Variants in XKR4 observed in about 807,000 individuals in gnomAD.
The protein encoded by XKR4 is XK related 4, also known as XK-related protein 4.
XKR4 carries 12 observed loss-of-function variants against 53.9 expected under a neutral mutation model. The ratio of observed to expected loss-of-function variants is 0.22; its 90% confidence interval spans 0.14 to 0.36. The LOEUF is 0.36. XKR4 is among the 10% of genes least tolerant of loss of function. The pLI is 1.00. For missense variants in XKR4, 799 were observed against 859.5 expected (o/e 0.93, Z 0.88); for synonymous variants, 354 against 362.4 (o/e 0.98, Z 0.26).
At chr8:55,378,512 A>G (rs1337722769) in intron 2 of XKR4, among the ~76,000 whole-genome samples, 1 of 152,232 alleles carries the variant, frequency 6.6e-6, no homozygotes, top group African/African-American at 2.4e-5. Context: ...GAGAAAAACA[A>G]GAGTACGATT....
intron 1 of XKR4, among the ~76,000 whole-genome samples, chr8:55,341,788 G>C (rs951806890): frequency 7.2e-5 from 11 of 152,066 alleles, no homozygotes; most frequent in African/African-American, 2.7e-4. Context: ...ACCTCCCTGA[G>C]AGAAGCTGGA....
intron 1 of XKR4, among the ~76,000 whole-genome samples, chr8:55,252,366 A>G (rs1017823799): frequency 6.6e-6 from 1 of 152,196 alleles, no homozygotes; most frequent in Non-Finnish European, 1.5e-5. Context: ...CCTAAAATTG[A>G]AGGATCTCAA....
At chr8:55,494,823 G>A (rs931427660) in intron 2 of XKR4, among the ~76,000 whole-genome samples, 1 of 152,182 alleles carries the variant, frequency 6.6e-6, no homozygotes, top group African/African-American at 2.4e-5. Context: ...GCCATGGGTG[G>A]CCATGGGCAG....
chr8:55,397,958 C>A (rs1311398781), intron 2 of XKR4, among the ~76,000 whole-genome samples: 1 of 152,154 alleles, frequency 6.6e-6, no homozygotes, highest in African/African-American at 2.4e-5. Context: ...TTTGACATCC[C>A]CCATGTATGT....
intron 2 of XKR4, among the ~76,000 whole-genome samples, chr8:55,460,959 G>C (rs1419959179): frequency 6.6e-6 from 1 of 152,254 alleles, no homozygotes. Flanking sequence ...GCTCAGGCTT[G>C]AGTAGGTAAA....
At chr8:55,366,697 A>G (rs1803993726) in intron 2 of XKR4, among the ~76,000 whole-genome samples, 1 of 152,184 alleles carries the variant, frequency 6.6e-6, no homozygotes, top group Non-Finnish European at 1.5e-5. Flanking sequence ...TTTCTCACCC[A>G]TATGTCCTGC....
intron 1 of XKR4, among the ~76,000 whole-genome samples, chr8:55,265,570 G>T (rs567918829): frequency 6.6e-5 from 10 of 152,248 alleles, no homozygotes; most frequent in African/African-American, 2.4e-4. Flanking sequence ...AGAAAGGGAG[G>T]GGGCTGGGCA....
intron 2 of XKR4, among the ~76,000 whole-genome samples, chr8:55,433,763 T>C (rs1220247900): frequency 2.6e-5 from 4 of 152,374 alleles, no homozygotes; most frequent in African/African-American, 7.2e-5. Flanking sequence ...TCTAGTTCTT[T>C]GCCTATAATC....
chr8:55,111,574 A>G (rs1446887777), intron 1 of XKR4, among the ~76,000 whole-genome samples: 1 of 152,222 alleles, frequency 6.6e-6, no homozygotes, highest in Non-Finnish European at 1.5e-5. Context: ...ACCTTATGTC[A>G]TTTCCAAATT....
intron 1 of XKR4, among the ~76,000 whole-genome samples, chr8:55,235,725 C>T (rs946604472): frequency 6.6e-6 from 1 of 152,040 alleles, no homozygotes; most frequent in Non-Finnish European, 1.5e-5. Context: ...CATGAAATGA[C>T]GCTGCAGCAA....
At chr8:55,506,306 T>C (rs1366070354) in intron 2 of XKR4, among the ~76,000 whole-genome samples, 2 of 152,196 alleles carry the variant, frequency 1.3e-5, no homozygotes, top group African/African-American at 4.8e-5. Flanking sequence ...ATCAAATAGA[T>C]AGGCCTGAAA....
At chr8:55,346,983 A>G (rs1281394322) in intron 1 of XKR4, among the ~76,000 whole-genome samples, 1 of 152,212 alleles carries the variant, frequency 6.6e-6, no homozygotes, top group African/African-American at 2.4e-5. Flanking sequence ...TCAGCAGTTA[A>G]TGTAACACTC....
intron 1 of XKR4, among the ~76,000 whole-genome samples, chr8:55,190,433 C>T (rs1817430955): frequency 6.6e-6 from 1 of 152,140 alleles, no homozygotes; most frequent in East Asian, 1.9e-4. Context: ...TGGTTTAATT[C>T]AACAGTTCTT....
chr8:55,106,691 CTATG>C (rs1045968591), intron 1 of XKR4, among the ~76,000 whole-genome samples: 1 of 152,074 alleles, frequency 6.6e-6, no homozygotes, highest in African/African-American at 2.4e-5. Flanking sequence ...TGAATTTCTC[CTATG>C]TATGTATGTA....
rs147686496 is a variant in XKR4 at position 55,249,207 on chromosome 8, A to T, written c.807-108471A>T. Among the ~76,000 whole-genome samples the T allele has an allele frequency of 9.8e-3, 1,497 of 152,316 alleles. 96 individuals carry two copies. Among genetic ancestry groups the T allele is most frequent in the Admixed American group, 0.085 (1,306 of 15,278 alleles). On this transcript the variant is annotated intron_variant, in intron 1 of 2. Transcript: ENST00000327381. The stretch of plus-strand genomic sequence containing the variant: ...GGGGTATTTCCTGCAATTCAAGGAC[A>T]CGAATATAAACAGTACTCATGAAGA...
intron 1 of XKR4, among the ~76,000 whole-genome samples, chr8:55,150,355 A>T (rs1816824485): frequency 6.6e-6 from 1 of 152,342 alleles, no homozygotes; most frequent in South Asian, 2.1e-4. Flanking sequence ...GGTATGTTTT[A>T]GTATATGGGT....
chr8:55,138,363 G>C (rs1816659342), intron 1 of XKR4, among the ~76,000 whole-genome samples: 1 of 152,190 alleles, frequency 6.6e-6, no homozygotes, highest in Admixed American at 6.5e-5. Context: ...AAGAGCATGT[G>C]CTCTGGGAAG....
At chr8:55,380,115 G>T (rs1585547502) in intron 2 of XKR4, among the ~76,000 whole-genome samples, 1 of 152,208 alleles carries the variant, frequency 6.6e-6, no homozygotes, top group South Asian at 2.1e-4. Flanking sequence ...CCTGCTGTCT[G>T]AATGCTCCAT....
At chr8:55,318,432 G>T (rs1295959517) in intron 1 of XKR4, among the ~76,000 whole-genome samples, 1 of 152,068 alleles carries the variant, frequency 6.6e-6, no homozygotes, top group Non-Finnish European at 1.5e-5. Flanking sequence ...GGATTTGATG[G>T]CACAAACCAA....
Sources: allele counts gnomAD v4.1 joint callset (sites outside exome capture counted in the v4.1 genomes callset), GRCh38; gene constraint gnomAD v4.1.1; transcripts MANE v1.5; gene names NCBI Gene and HGNC (gene_info 2026-07-23, HGNC 2026-07-21).